Variants in KSR2 observed in about 807,000 individuals in gnomAD.
KSR2 encodes kinase suppressor of ras 2.
Under a neutral mutation model 107.8 loss-of-function variants are expected in KSR2, and 25 were observed. The observed-to-expected ratio is 0.23, with a 90% confidence interval of 0.17 to 0.32. The LOEUF is 0.32. KSR2 is among the 10% of genes least tolerant of loss of function. KSR2 has a pLI of 1.00. For missense variants in KSR2, 887 were observed against 1,268.9 expected (o/e 0.70, Z 4.57); for synonymous variants, 480 against 507.0 (o/e 0.95, Z 0.71).
chr12:117,840,217 C>T (rs1471528513), intron 3 of KSR2, among the ~76,000 whole-genome samples: 5 of 151,978 alleles, frequency 3.3e-5, no homozygotes, highest in South Asian at 2.1e-4. Context: ...CCTGCCTCGA[C>T]GCTCTGAGTA....
intron 3 of KSR2, among the ~76,000 whole-genome samples, chr12:117,836,731 G>A (rs892103249): frequency 6.6e-6 from 1 of 152,138 alleles, no homozygotes; most frequent in Non-Finnish European, 1.5e-5. Flanking sequence ...TTTTTTATCA[G>A]TGCACCCCAC....
At chr12:117,964,258 C>T (rs1327360886) in intron 1 of KSR2, among the ~76,000 whole-genome samples, 6 of 152,112 alleles carry the variant, frequency 3.9e-5, no homozygotes, top group African/African-American at 1.2e-4. Flanking sequence ...GTGACAAGAG[C>T]GAGACTCCGT....
chr12:117,827,693 A>C (rs543062292), intron 3 of KSR2, among the ~76,000 whole-genome samples: 1 of 152,224 alleles, frequency 6.6e-6, no homozygotes, highest in Non-Finnish European at 1.5e-5. Context: ...ACAATAGGTA[A>C]GTGTTAAATA....
At chr12:117,716,639 A>G (rs2136673129) in intron 4 of KSR2, among the ~76,000 whole-genome samples, 2 of 152,344 alleles carry the variant, frequency 1.3e-5, no homozygotes, top group Admixed American at 1.3e-4. Flanking sequence ...TTTGTATTAC[A>G]TGTCTGTTTG....
At chr12:117,706,786 T>A (rs1362253477) in intron 4 of KSR2, among the ~76,000 whole-genome samples, 1 of 152,064 alleles carries the variant, frequency 6.6e-6, no homozygotes, top group Non-Finnish European at 1.5e-5. Context: ...AATAAATAAA[T>A]ACAATTATAC....
At chr12:117,539,404 C>G (rs555697132) in intron 10 of KSR2, 1 of 324,134 alleles carries the variant, frequency 3.1e-6, no homozygotes, top group Admixed American at 5.0e-5. Flanking sequence ...GGCGAAGACC[C>G]TGGGTTGTAG....
intron 4 of KSR2, among the ~76,000 whole-genome samples, chr12:117,686,542 C>T (rs1376568229): frequency 2.0e-5 from 3 of 152,084 alleles, no homozygotes. Context: ...CTCCCTAGGA[C>T]CTGGATTTGC....
In KSR2 at chr12:117,650,359, G is replaced by A. The variant is rs571638208; in HGVS notation, c.1171+17115C>T. ...TCAGCTTGCAGACAGCCTATTGTGG[G>A]ACCTTGTGATCGTGTAAGTTAATAT... is the stretch of plus-strand genomic sequence containing the variant. On this transcript the variant is annotated intron_variant, in intron 5 of 19. Transcript: ENST00000339824. 6.0e-4 allele frequency among the ~76,000 whole-genome samples: 92 copies of A among 152,224 alleles called. 1 individual carries two copies. Among genetic ancestry groups the A allele is most frequent in the African/African-American group, 2.2e-3 (90 of 41,536 alleles).
intron 9 of KSR2, among the ~76,000 whole-genome samples, chr12:117,548,165 T>C (rs1877014911): frequency 6.6e-6 from 1 of 152,182 alleles, no homozygotes; most frequent in Non-Finnish European, 1.5e-5. Flanking sequence ...TGCCTCCTTC[T>C]TGCCCTCTTT....
intron 5 of KSR2, among the ~76,000 whole-genome samples, chr12:117,625,840 T>C (rs1299030458): frequency 6.6e-6 from 1 of 152,210 alleles, no homozygotes; most frequent in Non-Finnish European, 1.5e-5. Flanking sequence ...TCCTGGACTT[T>C]TTTGGTTGGT....
At chr12:117,574,296 G>A (rs1879114862) in intron 7 of KSR2, among the ~76,000 whole-genome samples, 1 of 151,958 alleles carries the variant, frequency 6.6e-6, no homozygotes, top group Non-Finnish European at 1.5e-5. Flanking sequence ...AAAGAAATTT[G>A]GAGATCACCT....
rs766205386 is a variant in KSR2 at position 117,538,922 on chromosome 12, G to A, written c.1687+797C>T. On this transcript the variant is annotated intron_variant, in intron 10 of 19. Coordinates refer to ENST00000339824, the MANE Select transcript of KSR2 (RefSeq NM_173598.6). ...TTCTTAGGGCCCTAGCAGAGGAACC[G>A]GGCCAGGCTGGACCCTGGAAGAGAT... Among the ~76,000 whole-genome samples the A allele has an allele frequency of 3.6e-4, 54 of 152,010 alleles. 1 individual carries two copies. The highest frequency in any genetic ancestry group is 4.4e-4 in the Non-Finnish European group (30 of 68,002).
At chr12:117,715,920 T>C (rs957252192) in intron 4 of KSR2, among the ~76,000 whole-genome samples, 1 of 152,238 alleles carries the variant, frequency 6.6e-6, no homozygotes, top group African/African-American at 2.4e-5. Context: ...TGCAAATGCT[T>C]TCCTGCCTCA....
Position 117,761,511 on chromosome 12 carries a change from G to A in KSR2, c.486C>T (p.Ser162=). The A allele has an allele frequency of 6.2e-7, 1 of 1,613,534 alleles. No individual in the cohort carries two copies. The highest frequency in any genetic ancestry group is 8.5e-7 in the Non-Finnish European group (1 of 1,179,812). The change falls in exon 4 of 20, where the codon TCC becomes TCT. Residue 162 remains serine (S), a synonymous_variant. Coordinates refer to ENST00000339824, the MANE Select transcript of KSR2 (RefSeq NM_173598.6). ...GCCACTGGATGGTCCAGTCTTGTTT[G>A]GAAAGGTTGCCTCCTGAGTTGGAAC... is the stretch of plus-strand genomic sequence containing the variant. The part of the protein sequence containing the change: ...RNVHMSGGNL[S]KQDWTIQWPT...
chr12:117,773,543 G>C (rs1007791377), intron 3 of KSR2, among the ~76,000 whole-genome samples: 7 of 152,194 alleles, frequency 4.6e-5, no homozygotes, highest in Admixed American at 3.9e-4. Context: ...CTACACAGTA[G>C]ATTCTTTAGC....
At chr12:117,845,595 A>G (rs1892671053) in intron 3 of KSR2, among the ~76,000 whole-genome samples, 1 of 152,172 alleles carries the variant, frequency 6.6e-6, no homozygotes, top group Non-Finnish European at 1.5e-5. Context: ...GACTCTAAGT[A>G]AAAACTCTCC....
intron 4 of KSR2, among the ~76,000 whole-genome samples, chr12:117,730,589 G>A (rs1479298618): frequency 2.6e-5 from 4 of 152,094 alleles, no homozygotes; most frequent in African/African-American, 4.8e-5. Flanking sequence ...CCGCCATCTC[G>A]GCTCACCGCA....
chr12:117,608,930 G>A lies in KSR2; in HGVS notation c.1172-26571C>T, dbSNP rs546532943. ...GGGGGTAATAGCTCAGACTTGGGGT[G>A]CACAGGGAATTCTGGGAGGTTGTCC... On this transcript the variant is annotated intron_variant, in intron 5 of 19. Transcript: ENST00000339824. 8.5e-5 allele frequency among the ~76,000 whole-genome samples: 13 copies of A among 152,212 alleles called. No individual in the cohort carries two copies. The South Asian group carries it at 1.7e-3, about 19-fold the overall frequency.
chr12:117,928,867 G>C (rs912937363), intron 1 of KSR2, among the ~76,000 whole-genome samples: 3 of 151,932 alleles, frequency 2.0e-5, no homozygotes, highest in Non-Finnish European at 4.4e-5. Context: ...CCAGAGATTG[G>C]CTACGACATC....
Sources: allele counts gnomAD v4.1 joint callset (sites outside exome capture counted in the v4.1 genomes callset), GRCh38; gene constraint gnomAD v4.1.1; transcripts MANE v1.5; gene names NCBI Gene and HGNC (gene_info 2026-07-23, HGNC 2026-07-21).